Variants in RELN observed in about 807,000 individuals in gnomAD.
The protein encoded by RELN is reelin.
A neutral mutation model predicts 427.6 loss-of-function variants in RELN; 108 were observed. The observed-to-expected ratio is 0.25, with a 90% CI of 0.22 to 0.30. The LOEUF is 0.30. Ranked by LOEUF, RELN falls within the 10% of genes least tolerant of loss-of-function variation. The probability of loss-of-function intolerance (pLI) is 1.00; values close to 1 mark genes in which losing one functional copy is unlikely to be tolerated. For synonymous variants in RELN, 1,524 were observed against 1,513.4 expected (o/e 1.01, Z -0.16); for missense variants, 3,715 against 4,302.8 (o/e 0.86, Z 3.82).
chr7:103,883,038 T>C (rs758865607), intron 2 of RELN, among the ~76,000 whole-genome samples: 1 of 152,164 alleles, frequency 6.6e-6, no homozygotes, highest in Admixed American at 6.5e-5. Flanking sequence ...AAATCCTCAA[T>C]AAATTATTGA....
At chr7:103,951,266 T>G (rs1175098755) in intron 1 of RELN, among the ~76,000 whole-genome samples, 1 of 152,192 alleles carries the variant, frequency 6.6e-6, no homozygotes, top group Non-Finnish European at 1.5e-5. Flanking sequence ...TTACAATCTA[T>G]AAACAAATCA....
intron 22 of RELN, among the ~76,000 whole-genome samples, chr7:103,608,721 G>T (rs1677693023): frequency 1.3e-5 from 2 of 152,126 alleles, no homozygotes; most frequent in Non-Finnish European, 2.9e-5. Flanking sequence ...TAACACTGAA[G>T]ATAATTAACC....
chr7:103,935,923 A>G (rs191425414), intron 1 of RELN, among the ~76,000 whole-genome samples: 122 of 152,090 alleles, frequency 8.0e-4, no homozygotes, highest in African/African-American at 2.7e-3. Context: ...CAAGTGCAAA[A>G]CCCAAGGACT....
rs527897229 is a variant in RELN at position 103,652,787 on chromosome 7, T to C, written c.1555-28A>G. On this transcript the variant is annotated intron_variant, in intron 13 of 64. Transcript: ENST00000428762. ...TTCAAACAAAGGAGACCAGAATCAC[T>C]CAAAATCCTTTCTAGGCTAGTCCAT... The C allele has an allele frequency of 6.6e-5, 105 of 1,598,928 alleles. 1 individual carries two copies. In the South Asian group the frequency reaches 1.1e-3, roughly 17 times the overall value.
intron 58 of RELN, 133 bp downstream of exon 58, chr7:103,491,820 A>ACT (rs1828662848): frequency 1.5e-6 from 1 of 669,494 alleles, no homozygotes. Flanking sequence ...CAAGAGCGAA[A>ACT]CTGTCTCTCT....
intron 3 of RELN, among the ~76,000 whole-genome samples, chr7:103,829,094 A>G (rs1347774188): frequency 6.6e-6 from 1 of 152,026 alleles, no homozygotes; most frequent in Non-Finnish European, 1.5e-5. Flanking sequence ...GCAAACTGAG[A>G]TAATAATAGT....
intron 23 of RELN, 29 bp downstream of exon 23, chr7:103,604,317 G>T: frequency 1.2e-6 from 2 of 1,613,194 alleles, no homozygotes; most frequent in South Asian, 1.1e-5. Flanking sequence ...GAGAAGCATG[G>T]ACCTCATCGT....
rs1161814336 is a variant in RELN, at chr7:103,572,211, A to T, written c.4561T>A (p.Cys1521Ser). 6.3e-7 allele frequency: 1 copy of T among 1,594,440 alleles called. No individual in the cohort carries two copies. Among genetic ancestry groups the T allele is most frequent in the Non-Finnish European group, 8.6e-7 (1 of 1,162,158 alleles). ...TCATTTCTAGTTCTTGGTTTGATGC[A>T]GGTAATGCCTGAAGTTTTGCTTCCA... is the stretch of plus-strand genomic sequence containing the variant. ...QIGSKTSGIT[C>S]IKPRTRNEGL... Residue 1521 changes from cysteine (C) to serine (S), a missense_variant, in exon 31 of 65, where the codon TGC (cysteine) becomes AGC (serine). Around this residue, in one of 4 missense-constraint regions of RELN, gnomAD observed 2,208 missense variants for 2,361.7 expected, o/e 0.93. Coordinates refer to ENST00000428762, the MANE Select transcript of RELN (RefSeq NM_005045.4).
At chr7:103,987,146 A>T (rs913677317) in intron 1 of RELN, among the ~76,000 whole-genome samples, 5 of 152,038 alleles carry the variant, frequency 3.3e-5, no homozygotes, top group African/African-American at 4.8e-5. Context: ...ATGTTTAATA[A>T]AATAGATAAC....
At chr7:103,753,290 C>A in intron 4 of RELN, 76 bp from the exon 5 acceptor site, 3 of 1,493,378 alleles carry the variant, frequency 2.0e-6, no homozygotes, top group Non-Finnish European at 2.8e-6. Flanking sequence ...AGTCACAACA[C>A]AGTTATAAAA....
At position 103,692,455 on chromosome 7, in the gene RELN, T is replaced by C. The variant is rs1833891973; in HGVS notation, c.1143+5398A>G. Among the ~76,000 whole-genome samples, 3 of 152,170 alleles carry C rather than the reference T, an allele frequency of 2.0e-5. No homozygotes were observed. In the South Asian group the frequency reaches 6.2e-4, roughly 32 times the overall value. On this transcript the variant is annotated intron_variant, in intron 10 of 64. Coordinates refer to ENST00000428762, the MANE Select transcript of RELN (RefSeq NM_005045.4). ...TCTTGCCTCTTCTTCTTCTTCCAGA[T>C]CCAACCCTGGAGGATTAAGGATCTG...
intron 48 of RELN, among the ~76,000 whole-genome samples, chr7:103,520,698 T>C (rs1303064468): frequency 6.6e-6 from 1 of 152,238 alleles, no homozygotes; most frequent in Admixed American, 6.5e-5. Flanking sequence ...ATGGCATCTG[T>C]ATTAATTTCT....
At chr7:103,754,608 C>G (rs1791087783) in intron 4 of RELN, among the ~76,000 whole-genome samples, 3 of 106,760 alleles carry the variant, frequency 2.8e-5, no homozygotes, top group Admixed American at 2.7e-4. Flanking sequence ...GACCTCGTCT[C>G]TAAAAAAAAC....
Position 103,650,306 on chromosome 7 carries a change from G to A in RELN, c.1970C>T (p.Pro657Leu), listed in dbSNP as rs1325531129. 2 of 1,610,958 alleles carry A rather than the reference G, an allele frequency of 1.2e-6. No homozygotes were observed. Among genetic ancestry groups the A allele is most frequent in the African/African-American group, 1.3e-5 (1 of 74,794 alleles). ...AATTGCCCACATGTTTCCAAGGATT[G>A]GTCCTGTTTGTCTCCAGCGAATCCT... ...NTRIRWRQTG[P>L]ILGNMWAIDN... The change falls in exon 16 of 65, where the codon CCA becomes CTA. Residue 657 changes from proline (P) to leucine (L), a missense_variant. Pro to Leu is a moderately conservative substitution (Grantham distance 98). This residue lies in a region of RELN where 2,208 missense variants were observed against 2,361.7 expected (regional missense o/e 0.93). Transcript: ENST00000428762.
At chr7:103,551,401 T>C in intron 40 of RELN, 105 bp from the exon 41 acceptor site, 1 of 793,750 alleles carries the variant, frequency 1.3e-6, no homozygotes, top group Non-Finnish European at 2.1e-6. Flanking sequence ...GGGAACTGTC[T>C]TGCTGAAATA....
intron 2 of RELN, among the ~76,000 whole-genome samples, chr7:103,905,475 A>G (rs993613185): frequency 2.0e-5 from 3 of 152,172 alleles, no homozygotes; most frequent in Admixed American, 6.5e-5. Context: ...ATGGACAAAT[A>G]TAGATTTAGA....
chr7:103,902,362 A>G (rs1795101939), intron 2 of RELN, among the ~76,000 whole-genome samples: 1 of 152,106 alleles, frequency 6.6e-6, no homozygotes, highest in African/African-American at 2.4e-5. Flanking sequence ...CTATTAAAGC[A>G]AAACATCTTT....
chr7:103,649,470 G>A (rs79811965), intron 16 of RELN, among the ~76,000 whole-genome samples: 5,414 of 151,924 alleles, frequency 0.036, 152 homozygotes, highest in East Asian at 0.14. Flanking sequence ...GATAAATTAC[G>A]TTGTACTCTA....
At chr7:103,741,616 GAA>G (rs1037489919) in intron 6 of RELN, among the ~76,000 whole-genome samples, 2 of 151,272 alleles carry the variant, frequency 1.3e-5, no homozygotes, top group African/African-American at 4.9e-5. Flanking sequence ...AGAGAAAAGA[GAA>G]GAGGGAGGAG....
Sources: allele counts gnomAD v4.1 joint callset (sites outside exome capture counted in the v4.1 genomes callset), GRCh38; gene constraint gnomAD v4.1.1; regional missense constraint gnomAD v4.1.1; transcripts MANE v1.5; gene names NCBI Gene and HGNC (gene_info 2026-07-23, HGNC 2026-07-21).